LBR: variants seen among roughly 807,000 people sequenced by gnomAD.
LBR encodes the protein delta(14)-sterol reductase LBR.
LBR carries 28 observed loss-of-function variants against 74.3 expected under a neutral mutation model. The ratio of observed to expected loss-of-function variants is 0.38; its 90% CI spans 0.28 to 0.52. The LOEUF (loss-of-function observed/expected upper bound fraction) is 0.52. Among genes scored for constraint, LBR ranks in the 20% least tolerant of loss-of-function variants. The probability of loss-of-function intolerance (pLI) is 0.89; values close to 1 mark genes in which losing one functional copy is unlikely to be tolerated. For synonymous variants in LBR, 228 were observed against 269.3 expected (o/e 0.85, Z 1.50); for missense variants, 717 against 760.3 (o/e 0.94, Z 0.67).
At chr1:225,422,031 A>C in intron 3 of LBR, 46 bp downstream of exon 3, 1 of 1,545,506 alleles carries the variant, frequency 6.5e-7, no homozygotes, top group Non-Finnish European at 8.9e-7. Context: ...GTAAATATAT[A>C]CATAAAGCGG....
intron 7 of LBR, 103 bp from the exon 8 acceptor site, chr1:225,412,748 T>TGAA: frequency 9.6e-7 from 1 of 1,046,460 alleles, no homozygotes; most frequent in Non-Finnish European, 1.4e-6. Flanking sequence ...TTTTAAAGTC[T>TGAA]TAATTTCATT....
Position 225,402,044 on chromosome 1 carries a change from G to C in LBR, c.*1259C>G, listed in dbSNP as rs1366457454. ...ACAAAAGTTTAGTGAATTTGCTACT[G>C]TTCCATTACAGGACAATTAAAAATG... On this transcript the variant is annotated 3_prime_UTR_variant, in exon 14 of 14. Coordinates refer to ENST00000272163, the MANE Select transcript of LBR (RefSeq NM_002296.4). The C allele has an allele frequency of 6.6e-6, 1 of 152,108 alleles. No individual in the cohort carries two copies. Among genetic ancestry groups the C allele is most frequent in the Non-Finnish European group, 1.5e-5 (1 of 68,026 alleles). 9.4% of individuals were successfully genotyped at this position (152,108 alleles called of 1,614,324 possible).
At chr1:225,407,129 A>G (rs552898663) in intron 10 of LBR, among the ~76,000 whole-genome samples, 2 of 151,994 alleles carry the variant, frequency 1.3e-5, no homozygotes, top group Admixed American at 6.6e-5. Context: ...CAACCTCCAC[A>G]TAGGCCCTAC....
chr1:225,417,810 A>T, intron 6 of LBR, 174 bp downstream of exon 6: 2 of 619,740 alleles, frequency 3.2e-6, no homozygotes. Context: ...GACCAACAAC[A>T]GCCTTTAACC....
chr1:225,407,018 G>A lies in LBR; in HGVS notation c.1315-186C>T, dbSNP rs143803768. Among the ~76,000 whole-genome samples the A allele has an allele frequency of 5.6e-3, 849 of 152,158 alleles. 9 individuals carry two copies. Among genetic ancestry groups the A allele is most frequent in the East Asian group, 0.042 (220 of 5,184 alleles). On this transcript the variant is annotated intron_variant, in intron 10 of 13. Transcript: ENST00000272163. ...GGTCTTTCTGCTGTCACATTCTCCCGTCACGCCAGCCTCTCGCTCATGCTC... is the reference window on the plus strand; with the variant it reads ...GGTCTTTCTGCTGTCACATTCTCCCATCACGCCAGCCTCTCGCTCATGCTC...
At chr1:225,404,772 T>A in intron 11 of LBR, 66 bp from the exon 12 acceptor site, 1 of 1,126,352 alleles carries the variant, frequency 8.9e-7, no homozygotes, top group Non-Finnish European at 1.3e-6. Flanking sequence ...ATAGCATCTG[T>A]AATTTCTCTT....
intron 2 of LBR, 94 bp downstream of exon 2, chr1:225,423,817 C>T (rs1374116897): frequency 4.8e-6 from 6 of 1,239,184 alleles, no homozygotes; most frequent in East Asian, 4.6e-5. Context: ...GCCTTCAAAC[C>T]GAGCTGAACT....
At chr1:225,417,799 T>C (rs2096120350) in intron 6 of LBR, 185 bp downstream of exon 6, 1 of 599,794 alleles carries the variant, frequency 1.7e-6, no homozygotes, top group Non-Finnish European at 3.0e-6. Context: ...TTGGGAATTA[T>C]GACCAACAAC....
Position 225,419,328 on chromosome 1 carries a change from A to C in LBR, c.575T>G (p.Leu192Arg), listed in dbSNP as rs149760565. ...GGTCACTTCAAAGGTTCTCACTGCC[A>C]GTTCTTTTGCAACGTATTTTTCTTC... The part of the protein sequence containing the change: ...SKEEKYVAKE[L>R]AVRTFEVTPI... Residue 192 changes from leucine (L) to arginine (R), a missense_variant, in exon 5 of 14, where the codon CTG becomes CGG. Coordinates refer to ENST00000272163, the MANE Select transcript of LBR (RefSeq NM_002296.4). The C allele has an allele frequency of 1.6e-5, 26 of 1,614,076 alleles. No individual in the cohort carries two copies. Among genetic ancestry groups the C allele is most frequent in the Non-Finnish European group, 2.2e-5 (26 of 1,180,042 alleles).
chr1:225,428,077 G>C (rs1052949682), upstream of LBR: 14 of 151,860 alleles, frequency 9.2e-5, no homozygotes, highest in Non-Finnish European at 1.8e-4. Flanking sequence ...CCCGCAAGCC[G>C]GGCGCGCGCC....
At position 225,410,429 on chromosome 1, in the gene LBR, G is replaced by A. The variant is rs1490593006; in HGVS notation, c.1189-13C>T. ...AGTTAATAACCACCTGAAACAAAAG[G>A]GGAAAGTATATAGCCTCAAAGCACC... On this transcript the variant is annotated splice_polypyrimidine_tract_variant and intron_variant, in intron 9 of 13. Coordinates refer to ENST00000272163, the MANE Select transcript of LBR (RefSeq NM_002296.4). 1 of 1,613,786 alleles carries A rather than the reference G, an allele frequency of 6.2e-7. No homozygotes were observed. The highest frequency in any genetic ancestry group is 1.7e-5 in the Admixed American group (1 of 60,006).
chr1:225,425,430 C>T (rs911201448), intron 1 of LBR, among the ~76,000 whole-genome samples: 4 of 152,160 alleles, frequency 2.6e-5, no homozygotes, highest in African/African-American at 7.2e-5. Flanking sequence ...CTTCCCTACA[C>T]CTACCTGAGA....
rs1558648223 is a variant in LBR at position 225,403,343 on chromosome 1, C to T, written c.1808G>A (p.Cys603Tyr). The T allele has an allele frequency of 6.2e-7, 1 of 1,612,892 alleles. No homozygotes were observed. Among genetic ancestry groups the T allele is most frequent in the Admixed American group, 1.7e-5 (1 of 59,822 alleles). The part of the protein sequence containing the change: ...KKYGVAWEKY[C>Y]QRVPYRIFPY... Reference sequence around the variant, plus strand: ...AAATATACGGTAGGGCACACGCTGACAGTACTTTTCCCAAGCCACGCCGTA... The same window carrying T: ...AAATATACGGTAGGGCACACGCTGATAGTACTTTTCCCAAGCCACGCCGTA... The change falls in exon 14 of 14, where the codon TGT (cysteine) becomes TAT (tyrosine). Residue 603 changes from cysteine to tyrosine, a missense_variant. Physicochemically the swap from Cys to Tyr is radical, Grantham distance 194. Transcript: ENST00000272163.
chr1:225,418,146 G>C lies in LBR; in HGVS notation c.675C>G (p.Phe225Leu), dbSNP rs2096120996. Residue 225 changes from phenylalanine (F) to leucine (L), a missense_variant, in exon 6 of 14, where the codon TTC becomes TTG. Transcript: ENST00000272163. ...TACACATCAACAGCAACAGGAAGAG[G>C]AACACAGGCAGGCCAAACATGATGA... ...VFLIMFGLPV[F>L]LFLLLLMCKQ... is the part of the protein sequence containing the mutation. 1 of 1,614,030 alleles carries C rather than the reference G, an allele frequency of 6.2e-7. No individual in the cohort carries two copies. The highest frequency in any genetic ancestry group is 2.2e-5 in the East Asian group (1 of 44,870).
intron 13 of LBR, among the ~76,000 whole-genome samples, chr1:225,404,161 G>C (rs1463026441): frequency 6.6e-6 from 1 of 152,008 alleles, no homozygotes; most frequent in East Asian, 1.9e-4. Context: ...TTAGAAAAAA[G>C]CTATCAGGCA....
rs2096108102 is a variant in LBR, at chr1:225,412,556, G to T, written c.982C>A (p.Gln328Lys). The T allele has an allele frequency of 9.9e-6, 16 of 1,613,096 alleles. No homozygotes were observed. Among genetic ancestry groups the T allele is most frequent in the Non-Finnish European group, 1.4e-5 (16 of 1,179,850 alleles). Residue 328 changes from glutamine to lysine, a missense_variant, in exon 8 of 14, where the codon CAG becomes AAG. Gln to Lys is a moderately conservative substitution (Grantham distance 53). Coordinates refer to ENST00000272163, the MANE Select transcript of LBR (RefSeq NM_002296.4). ...AAAACAGTGGCCGCAAGTGCAAACTGAAGAAAATGACTGTACACGTAATGA... is the reference window on the plus strand; with the variant it reads ...AAAACAGTGGCCGCAAGTGCAAACTTAAGAAAATGACTGTACACGTAATGA... ...EFHYVYSHFL[Q>K]FALAATVFCV...
intron 13 of LBR, 32 bp from the exon 14 acceptor site, chr1:225,403,495 A>G (rs1558648390): frequency 6.6e-7 from 1 of 1,525,502 alleles, no homozygotes; most frequent in Admixed American, 1.7e-5. Context: ...AGTATTAGAT[A>G]TTTTTATTAT....
intron 7 of LBR, among the ~76,000 whole-genome samples, chr1:225,414,927 A>G (rs2096114240): frequency 6.6e-6 from 1 of 152,256 alleles, no homozygotes; most frequent in Non-Finnish European, 1.5e-5. Flanking sequence ...GGGACAACCC[A>G]GAGGACATGA....
At chr1:225,423,610 C>G (rs116133245) in intron 2 of LBR, among the ~76,000 whole-genome samples, 41 of 152,304 alleles carry the variant, frequency 2.7e-4, no homozygotes, top group African/African-American at 9.6e-4. Flanking sequence ...GCCCAGGGCT[C>G]TTCTCTACCC....
Sources: allele counts gnomAD v4.1 joint callset (sites outside exome capture counted in the v4.1 genomes callset), GRCh38; gene constraint gnomAD v4.1.1; transcripts MANE v1.5; gene names NCBI Gene and HGNC (gene_info 2026-07-23, HGNC 2026-07-21).